IGDCC3: variants seen among roughly 807,000 people sequenced by gnomAD.
IGDCC3 encodes the protein immunoglobulin superfamily DCC subclass member 3, also known as putative neuronal cell adhesion molecule.
Under a neutral mutation model 72.0 loss-of-function variants are expected in IGDCC3, and 47 were observed. The ratio of observed to expected loss-of-function variants is 0.65; its 90% confidence interval spans 0.52 to 0.83. The LOEUF (loss-of-function observed/expected upper bound fraction) is 0.83. IGDCC3 is among the 40% of genes least tolerant of loss of function. The probability of loss-of-function intolerance (pLI) is 0.00; values close to 1 mark genes in which losing one functional copy is unlikely to be tolerated. For missense variants in IGDCC3, 1,038 were observed against 1,091.3 expected (o/e 0.95, Z 0.69); for synonymous variants, 477 against 472.8 (o/e 1.01, Z -0.11).
intron 2 of IGDCC3, among the ~76,000 whole-genome samples, chr15:65,358,702 C>G (rs910539098): frequency 6.6e-6 from 1 of 152,050 alleles, no homozygotes; most frequent in African/African-American, 2.4e-5. Context: ...GACATGGTCT[C>G]TCTCTGTCAC....
intron 2 of IGDCC3, among the ~76,000 whole-genome samples, chr15:65,363,532 C>T (rs559711633): frequency 6.6e-6 from 1 of 152,210 alleles, no homozygotes; most frequent in Non-Finnish European, 1.5e-5. Context: ...TGTAATTCCA[C>T]AAGGCTGTAG....
intron 2 of IGDCC3, among the ~76,000 whole-genome samples, chr15:65,345,224 C>T (rs1016350900): frequency 2.6e-5 from 4 of 152,188 alleles, no homozygotes; most frequent in Non-Finnish European, 5.9e-5. Context: ...CCCACAAATC[C>T]GTCCTTAGAT....
chr15:65,377,614 GC>G lies in IGDCC3; in HGVS notation c.103+71del. ...CGCTCTCCCCGGGTCCGCCCCTCGC[GC>G]CCGCTCCCTCCCTGCTCGCCCTTCC... On this transcript the variant is annotated intron_variant, in intron 1 of 13. Coordinates refer to ENST00000327987, the MANE Select transcript of IGDCC3 (RefSeq NM_004884.4). This position sits in a 1 kb window ranked among gnomAD's most constrained non-coding sequence, Gnocchi z 4.9. 7.6e-7 allele frequency: 1 copy of G among 1,314,664 alleles called. No homozygotes were observed. The highest frequency in any genetic ancestry group is 9.7e-7 in the Non-Finnish European group (1 of 1,031,086). The allele number at this position is 1,314,664 out of a possible 1,614,324, so 81.4% of individuals were successfully genotyped here.
chr15:65,340,071 G>A (rs897457668), intron 2 of IGDCC3, among the ~76,000 whole-genome samples: 7 of 152,214 alleles, frequency 4.6e-5, no homozygotes, highest in Non-Finnish European at 1.0e-4. Context: ...TGAGGGGAGA[G>A]ACAGAGGGCA....
intron 2 of IGDCC3, among the ~76,000 whole-genome samples, chr15:65,368,338 G>C (rs1005246786): frequency 6.6e-5 from 10 of 152,064 alleles, no homozygotes; most frequent in Non-Finnish European, 1.5e-4. Flanking sequence ...TCATTTGCAG[G>C]CTGCAAATGC....
Position 65,329,494 on chromosome 15 carries a change from G to A in IGDCC3, c.2101C>T (p.Gln701Ter). 6.2e-7 allele frequency: 1 copy of A among 1,609,320 alleles called. No homozygotes were observed. The highest frequency in any genetic ancestry group is 1.1e-5 in the South Asian group (1 of 90,542). The change falls in exon 13 of 14, where the codon CAG becomes TAG. Residue 701 changes from glutamine (Q) to a stop codon, truncating the protein, a stop_gained. Transcript: ENST00000327987. LOFTEE classifies it high-confidence loss of function. This position sits in a 1 kb window ranked among gnomAD's most constrained non-coding sequence, Gnocchi z 4.1. ...TCGTCTCGGCCCAGCTGGCCCCGCTGTCCCCGTCTCGCCCCATTTAGGGCT... is the reference window on the plus strand; with the variant it reads ...TCGTCTCGGCCCAGCTGGCCCCGCTATCCCCGTCTCGCCCCATTTAGGGCT... ...ILALNGARRG[Q>*]RGQLGRDEKR...
At chr15:65,349,549 G>T (rs896123404) in intron 2 of IGDCC3, among the ~76,000 whole-genome samples, 1 of 152,198 alleles carries the variant, frequency 6.6e-6, no homozygotes, top group Non-Finnish European at 1.5e-5. Flanking sequence ...TGTCGAGGGG[G>T]TACTTCAGGA....
chr15:65,330,874 G>A, intron 9 of IGDCC3, 133 bp from the exon 10 acceptor site: 1 of 1,073,088 alleles, frequency 9.3e-7, no homozygotes, highest in Non-Finnish European at 1.3e-6. Context: ...GCTTATGAAA[G>A]CAGCACCTTC....
chr15:65,365,436 C>T (rs558357893), intron 2 of IGDCC3, among the ~76,000 whole-genome samples: 10 of 152,256 alleles, frequency 6.6e-5, no homozygotes, highest in African/African-American at 2.2e-4. Context: ...CCTGCATCTG[C>T]ACTGCAACCT....
intron 2 of IGDCC3, among the ~76,000 whole-genome samples, chr15:65,346,369 T>C (rs1199799529): frequency 3.9e-5 from 6 of 152,162 alleles, no homozygotes; most frequent in African/African-American, 4.8e-5. Context: ...AAATAGAGGA[T>C]TGATTTATTT....
At chr15:65,353,278 G>A (rs1024112792) in intron 2 of IGDCC3, among the ~76,000 whole-genome samples, 46 of 127,834 alleles carry the variant, frequency 3.6e-4, no homozygotes, top group Middle Eastern at 8.2e-3. Context: ...TTTATAAAGA[G>A]TCTTGCTCTG....
In IGDCC3 at chr15:65,328,968, C is replaced by T. The variant is rs751411575; in HGVS notation, c.2386G>A (p.Gly796Ser). Residue 796 changes from glycine to serine, a missense_variant, in exon 14 of 14, where the codon GGC becomes AGC. Coordinates refer to ENST00000327987, the MANE Select transcript of IGDCC3 (RefSeq NM_004884.4). ...GCCGCTGCAGGCCTGGAAGCCTGGCCTTCACTGAGGAGGCCAGGGCCTCCA... is the reference window on the plus strand; with the variant it reads ...GCCGCTGCAGGCCTGGAAGCCTGGCTTTCACTGAGGAGGCCAGGGCCTCCA... ...PDGGPGLLSE[G>S]QASRPAAARV... 1.3e-5 allele frequency: 20 copies of T among 1,594,242 alleles called. No individual in the cohort carries two copies. Among genetic ancestry groups the T allele is most frequent in the Admixed American group, 1.8e-5 (1 of 55,436 alleles).
intron 6 of IGDCC3, among the ~76,000 whole-genome samples, chr15:65,332,505 G>GC (rs2090987070): frequency 1.3e-5 from 2 of 152,144 alleles, no homozygotes; most frequent in Admixed American, 1.3e-4. Flanking sequence ...GGGCCCCCTC[G>GC]CCCCCACATT....
At chr15:65,342,949 T>C (rs2091095327) in intron 2 of IGDCC3, among the ~76,000 whole-genome samples, 1 of 152,082 alleles carries the variant, frequency 6.6e-6, no homozygotes, top group Non-Finnish European at 1.5e-5. Context: ...GGTAGTGGTA[T>C]AGGGAGGAGA....
Position 65,328,877 on chromosome 15 carries a change from C to T in IGDCC3, c.*32G>A, listed in dbSNP as rs2090947282. 6.7e-7 allele frequency: 1 copy of T among 1,503,204 alleles called. No individual in the cohort carries two copies. Among genetic ancestry groups the T allele is most frequent in the Admixed American group, 2.3e-5 (1 of 42,674 alleles). 93.1% of individuals were successfully genotyped at this position (1,503,204 alleles called of 1,614,324 possible). On this transcript the variant is annotated 3_prime_UTR_variant, in exon 14 of 14. Transcript: ENST00000327987. ...TTTTGACCTGAGAATGGGCCCCGCT[C>T]CGTCCACCCTCTGGAGCCTGCCAGA...
At chr15:65,376,779 G>C (rs1031946073) in intron 1 of IGDCC3, among the ~76,000 whole-genome samples, 1 of 152,224 alleles carries the variant, frequency 6.6e-6, no homozygotes, top group South Asian at 2.1e-4. Context: ...ATGCGGACGC[G>C]AGCTTCTACT....
At position 65,331,637 on chromosome 15, in the gene IGDCC3, C is replaced by A. The variant is rs201766054; in HGVS notation, c.1171G>T (p.Gly391Cys). The change falls in exon 8 of 14, where the codon GGT becomes TGT. Residue 391 changes from glycine to cysteine, a missense_variant. Coordinates refer to ENST00000327987, the MANE Select transcript of IGDCC3 (RefSeq NM_004884.4). ...TGATAAATGGCTTCATCCTCAGGAC[C>A]GATTCCAGAAATGGTCAGTGTGCTG... Reference protein sequence around the residue: ...NNSTLTISGIGPEDEAIYQCV... With the variant: ...NNSTLTISGICPEDEAIYQCV... The A allele has an allele frequency of 6.2e-7, 1 of 1,608,720 alleles. No homozygotes were observed. The highest frequency in any genetic ancestry group is 1.1e-5 in the South Asian group (1 of 90,500).
chr15:65,330,509 C>G (rs1425749517), intron 10 of IGDCC3, 41 bp downstream of exon 10: 23 of 1,599,292 alleles, frequency 1.4e-5, no homozygotes, highest in Non-Finnish European at 2.0e-5. Context: ...CAGCGCCGCA[C>G]TCTGCCAAGC....
intron 2 of IGDCC3, among the ~76,000 whole-genome samples, chr15:65,364,600 CAG>C (rs1163716475): frequency 6.6e-6 from 1 of 152,118 alleles, no homozygotes; most frequent in Non-Finnish European, 1.5e-5. Context: ...GAAAGAAAAA[CAG>C]AGGGGCCGGG....
Sources: gnomAD v4.1 joint callset for allele counts (sites outside exome capture counted in the v4.1 genomes callset) on GRCh38, gnomAD v4.1.1 for gene constraint, Gnocchi (gnomAD v3.1) non-coding constraint, MANE v1.5 for transcripts, NCBI Gene and HGNC (gene_info 2026-07-23, HGNC 2026-07-21) for gene names.